The following RAP1A variants were observed in gnomAD, a reference collection of about 807,000 sequenced individuals.
RAP1A encodes ras-related protein Rap-1A.
In RAP1A, 6 loss-of-function variants were observed where a neutral mutation model predicts 26.4. That is an observed-to-expected ratio of 0.23 (90% CI 0.12 to 0.45). The LOEUF is 0.45. Among genes scored for constraint, RAP1A ranks in the 20% least tolerant of loss-of-function variants. The pLI is 0.99. For synonymous variants in RAP1A, 73 were observed against 79.4 expected (o/e 0.92, Z 0.43); for missense variants, 121 against 217.2 (o/e 0.56, Z 2.78).
At chr1:111,561,880 C>G (rs1375614300) in intron 1 of RAP1A, among the ~76,000 whole-genome samples, 1 of 151,990 alleles carries the variant, frequency 6.6e-6, no homozygotes, top group Non-Finnish European at 1.5e-5. Context: ...CATTTTTGGC[C>G]CGGACTTTTT....
intron 1 of RAP1A, among the ~76,000 whole-genome samples, chr1:111,659,945 A>G (rs1660579741): frequency 6.6e-6 from 1 of 152,192 alleles, no homozygotes; most frequent in Admixed American, 6.5e-5. Flanking sequence ...ACTTATCCAT[A>G]AGCTATAGTC....
At chr1:111,621,230 C>G (rs1659192411) in intron 1 of RAP1A, among the ~76,000 whole-genome samples, 1 of 152,172 alleles carries the variant, frequency 6.6e-6, no homozygotes, top group African/African-American at 2.4e-5. Flanking sequence ...CTGCTGGAAA[C>G]AGGATTTGGA....
intron 4 of RAP1A, among the ~76,000 whole-genome samples, chr1:111,700,694 A>G (rs1303395911): frequency 1.3e-5 from 2 of 152,218 alleles, no homozygotes; most frequent in African/African-American, 4.8e-5. Flanking sequence ...TCTCAAATAT[A>G]ACATGTCCAA....
intron 1 of RAP1A, among the ~76,000 whole-genome samples, chr1:111,570,139 C>T (rs2101054759): frequency 6.6e-6 from 1 of 152,248 alleles, no homozygotes; most frequent in Admixed American, 6.5e-5. Context: ...AGCCAGCACC[C>T]TGCTCTCACT....
chr1:111,587,805 C>T (rs10494138), intron 1 of RAP1A, among the ~76,000 whole-genome samples: 26,171 of 152,186 alleles, frequency 0.17, 2,321 homozygotes, highest in Admixed American at 0.23. Context: ...GCTATCCTTA[C>T]CTCACTTGAC....
intron 4 of RAP1A, 44 bp downstream of exon 4, chr1:111,697,541 C>T (rs1557896436): frequency 6.2e-7 from 1 of 1,603,838 alleles, no homozygotes. Context: ...AATTTGTGAG[C>T]AGGTTTTGTC....
At chr1:111,671,495 G>A (rs778152267) in intron 1 of RAP1A, among the ~76,000 whole-genome samples, 2 of 150,102 alleles carry the variant, frequency 1.3e-5, no homozygotes. Flanking sequence ...TTTTGTTTTT[G>A]AGGCACTCTC....
chr1:111,608,981 G>A (rs748099451), intron 1 of RAP1A, among the ~76,000 whole-genome samples: 15 of 152,182 alleles, frequency 9.9e-5, no homozygotes, highest in Non-Finnish European at 2.2e-4. Flanking sequence ...GCTTTCTTTT[G>A]GTGATAAACC....
chr1:111,616,797 T>C (rs1659022383), upstream of RAP1A, among the ~76,000 whole-genome samples: 2 of 152,200 alleles, frequency 1.3e-5, no homozygotes, highest in Admixed American at 1.3e-4. Flanking sequence ...CTCACTTTAA[T>C]GTATGATCAT....
intron 1 of RAP1A, among the ~76,000 whole-genome samples, chr1:111,548,450 T>G (rs1268158360): frequency 1.3e-5 from 2 of 152,230 alleles, no homozygotes; most frequent in Non-Finnish European, 2.9e-5. Context: ...TGACTCTGCT[T>G]GTTTAAAATT....
chr1:111,568,473 G>C (rs1657973510), intron 1 of RAP1A, among the ~76,000 whole-genome samples: 1 of 152,098 alleles, frequency 6.6e-6, no homozygotes, highest in Non-Finnish European at 1.5e-5. Context: ...CCATTCAGGA[G>C]GGATCCACCC....
chr1:111,693,529 A>T (rs1324033556), intron 2 of RAP1A, among the ~76,000 whole-genome samples: 1 of 152,334 alleles, frequency 6.6e-6, no homozygotes, highest in Non-Finnish European at 1.5e-5. Flanking sequence ...GAATGAATGA[A>T]TGAGATGTCC....
upstream of RAP1A, among the ~76,000 whole-genome samples, chr1:111,618,709 A>G (rs567513147): frequency 1.4e-3 from 209 of 152,308 alleles, 1 homozygote; most frequent in South Asian, 2.3e-3. Context: ...ATTAAGTGGC[A>G]CCGCCATTAA....
chr1:111,679,035 A>G (rs1412391559), intron 1 of RAP1A, among the ~76,000 whole-genome samples: 2 of 152,184 alleles, frequency 1.3e-5, no homozygotes, highest in African/African-American at 2.4e-5. Flanking sequence ...AAAATCCAAC[A>G]TCTTTTCCTC....
At chr1:111,566,217 A>G (rs534157822) in intron 1 of RAP1A, among the ~76,000 whole-genome samples, 106 of 152,136 alleles carry the variant, frequency 7.0e-4, no homozygotes, top group Non-Finnish European at 1.3e-3. Context: ...GCATACACTG[A>G]AGTGGGGCAA....
At chr1:111,579,546 C>T (rs1658211224) in intron 1 of RAP1A, among the ~76,000 whole-genome samples, 1 of 152,046 alleles carries the variant, frequency 6.6e-6, no homozygotes, top group Non-Finnish European at 1.5e-5. Context: ...TTGAAGAGGG[C>T]CTAGAGAAGG....
At chr1:111,587,127 A>G (rs1658380680) in intron 1 of RAP1A, among the ~76,000 whole-genome samples, 4 of 151,938 alleles carry the variant, frequency 2.6e-5, no homozygotes, top group South Asian at 2.1e-4. Flanking sequence ...ATGACATCCC[A>G]TCCCTGCATA....
At chr1:111,577,189 G>A (rs1658162751) in intron 1 of RAP1A, among the ~76,000 whole-genome samples, 1 of 151,950 alleles carries the variant, frequency 6.6e-6, no homozygotes, top group African/African-American at 2.4e-5. Context: ...GATCACCGGA[G>A]GTTAGGAATT....
intron 1 of RAP1A, among the ~76,000 whole-genome samples, chr1:111,642,663 A>T (rs1212973489): frequency 1.4e-5 from 2 of 147,280 alleles, no homozygotes; most frequent in South Asian, 2.1e-4. Flanking sequence ...AGTTTTTTGT[A>T]TTTTTAGCAG....
Sources: allele counts gnomAD v4.1 joint callset (sites outside exome capture counted in the v4.1 genomes callset), GRCh38; gene constraint gnomAD v4.1.1; transcripts MANE v1.5; gene names NCBI Gene and HGNC (gene_info 2026-07-23, HGNC 2026-07-21).